Variants in KCNQ1 observed in about 807,000 individuals in gnomAD.
KCNQ1 encodes potassium voltage-gated channel subfamily KQT member 1.
In KCNQ1, 49 loss-of-function variants were observed where a neutral mutation model predicts 72.4. The observed-to-expected ratio is 0.68, with a 90% CI of 0.54 to 0.86. The LOEUF (loss-of-function observed/expected upper bound fraction) is 0.86. KCNQ1 is among the 40% of genes least tolerant of loss of function. The pLI is 0.00. For synonymous variants in KCNQ1, 450 were observed against 412.6 expected (o/e 1.09, Z -1.10); for missense variants, 790 against 945.1 (o/e 0.84, Z 2.15).
Position 2,458,754 on chromosome 11 carries a change from C to T in KCNQ1, c.386+13270C>T, listed in dbSNP as rs959309644. On this transcript the variant is annotated intron_variant, in intron 1 of 15. Transcript: ENST00000155840. This position sits in a 1 kb window ranked among gnomAD's most constrained non-coding sequence, Gnocchi z 4.6. ...TGGAAATACTCGGGCCAGAGGAACG[C>T]GCTAAATGATACTACAGGAGGCCAC... 7.2e-5 allele frequency among the ~76,000 whole-genome samples: 11 copies of T among 152,132 alleles called. No homozygotes were observed. Among genetic ancestry groups the T allele is most frequent in the East Asian group, 3.9e-4 (2 of 5,192 alleles).
At chr11:2,796,050 A>T (rs1487317503) in intron 15 of KCNQ1, among the ~76,000 whole-genome samples, 2 of 152,050 alleles carry the variant, frequency 1.3e-5, no homozygotes, top group African/African-American at 4.8e-5. Context: ...TCTTGAACCC[A>T]CCGTGCTTGG....
At chr11:2,619,747 A>AT (rs1187793618) in intron 10 of KCNQ1, 6 of 395,112 alleles carry the variant, frequency 1.5e-5, no homozygotes, top group African/African-American at 6.3e-5. Context: ...CTATAGCTGC[A>AT]TTTTTTTGGA....
chr11:2,597,338 A>G (rs962845792), intron 10 of KCNQ1, among the ~76,000 whole-genome samples: 2 of 152,234 alleles, frequency 1.3e-5, no homozygotes, highest in African/African-American at 4.8e-5. Context: ...AATTTATTCT[A>G]CACATATCTT....
rs1848579525 is a variant in KCNQ1 at position 2,585,415 on chromosome 11, G to T, written c.1128+108G>T. 2.9e-6 allele frequency: 3 copies of T among 1,038,414 alleles called. No individual in the cohort carries two copies. In the South Asian group the frequency reaches 4.0e-5, roughly 14 times the overall value. 64.3% of individuals were successfully genotyped at this position (1,038,414 alleles called of 1,614,324 possible). ...CCATCATTGGCCCCTGCATCAGCTT[G>T]GCTGGCCTGTGGGGCATACTCTGCT... On this transcript the variant is annotated intron_variant, in intron 8 of 15. Coordinates refer to ENST00000155840, the MANE Select transcript of KCNQ1 (RefSeq NM_000218.3).
rs1846538519 is a variant in KCNQ1, at chr11:2,768,686, CT to C, written c.1515-157del. On this transcript the variant is annotated intron_variant, in intron 11 of 15. Coordinates refer to ENST00000155840, the MANE Select transcript of KCNQ1 (RefSeq NM_000218.3). This position sits in a 1 kb window ranked among gnomAD's most constrained non-coding sequence, Gnocchi z 6.7. ...CCCCCAGCCTCCCCTCGAGCCCACACTGGGACATGGCCTAAGTATCTCCATC... is the reference window on the plus strand; with the variant it reads ...CCCCCAGCCTCCCCTCGAGCCCACACGGGACATGGCCTAAGTATCTCCATC... Among the ~76,000 whole-genome samples, 1 of 152,160 alleles carries C rather than the reference CT, an allele frequency of 6.6e-6. No homozygotes were observed. The highest frequency in any genetic ancestry group is 2.1e-4 in the South Asian group (1 of 4,828).
In KCNQ1 at chr11:2,657,081, T is replaced by C. The variant is rs1849863551; in HGVS notation, c.1394-4880T>C. 2.5e-6 allele frequency: 1 copy of C among 398,654 alleles called. No homozygotes were observed. Among genetic ancestry groups the C allele is most frequent in the Admixed American group, 4.4e-5 (1 of 22,738 alleles). 24.7% of individuals were successfully genotyped at this position (398,654 alleles called of 1,614,324 possible). On this transcript the variant is annotated intron_variant, in intron 10 of 15. Coordinates refer to ENST00000155840, the MANE Select transcript of KCNQ1 (RefSeq NM_000218.3). This position sits in a 1 kb window ranked among gnomAD's most constrained non-coding sequence, Gnocchi z 4.8. Reference sequence around the variant, plus strand: ...GCTCAATCCTGTCCCATTGGCCTATTTGTCTCTCCCTGTGTCAATACCACA... The same window carrying C: ...GCTCAATCCTGTCCCATTGGCCTATCTGTCTCTCCCTGTGTCAATACCACA...
At chr11:2,726,227 A>G (rs992627240) in intron 11 of KCNQ1, among the ~76,000 whole-genome samples, 2 of 152,202 alleles carry the variant, frequency 1.3e-5, no homozygotes, top group African/African-American at 2.4e-5. Context: ...AGAGAAGCTG[A>G]GCTCGCTCAC....
intron 2 of KCNQ1, among the ~76,000 whole-genome samples, chr11:2,569,612 A>G (rs1400576234): frequency 4.6e-5 from 7 of 152,102 alleles, no homozygotes; most frequent in Admixed American, 3.9e-4. Flanking sequence ...AGCGCCTCTC[A>G]CACGTGGGGG....
intron 10 of KCNQ1, chr11:2,615,693 C>A: frequency 2.5e-6 from 1 of 397,990 alleles, no homozygotes; most frequent in Non-Finnish European, 4.4e-6. Flanking sequence ...TTGATTGATA[C>A]TCTTGTACTG....
At chr11:2,505,887 G>T (rs2133653093) in intron 1 of KCNQ1, among the ~76,000 whole-genome samples, 1 of 152,236 alleles carries the variant, frequency 6.6e-6, no homozygotes, top group Non-Finnish European at 1.5e-5. Flanking sequence ...TCTAACGCGA[G>T]TCTCTAGTAG....
chr11:2,536,665 G>A lies in KCNQ1; in HGVS notation c.477+8647G>A, dbSNP rs913666346. Among the ~76,000 whole-genome samples, 1 of 152,186 alleles carries A rather than the reference G, an allele frequency of 6.6e-6. No homozygotes were observed. Among genetic ancestry groups the A allele is most frequent in the Non-Finnish European group, 1.5e-5 (1 of 68,022 alleles). On this transcript the variant is annotated intron_variant, in intron 2 of 15. Coordinates refer to ENST00000155840, the MANE Select transcript of KCNQ1 (RefSeq NM_000218.3). The surrounding 1 kb of genome is among the most constrained non-coding windows in gnomAD (Gnocchi z 7.4). Reference sequence around the variant, plus strand: ...GCTTCCCAGGCTGGGCTTCAAAACCGGACACAGGGCGTGGCTCTCCCTCCC... The same window carrying A: ...GCTTCCCAGGCTGGGCTTCAAAACCAGACACAGGGCGTGGCTCTCCCTCCC...
intron 10 of KCNQ1, among the ~76,000 whole-genome samples, chr11:2,608,000 A>G (rs1848908771): frequency 6.6e-6 from 1 of 152,254 alleles, no homozygotes; most frequent in Admixed American, 6.5e-5. Flanking sequence ...AACATCAAGA[A>G]AGCATAAAGC....
intron 1 of KCNQ1, among the ~76,000 whole-genome samples, chr11:2,499,582 A>G (rs1440270240): frequency 6.6e-6 from 1 of 150,720 alleles, no homozygotes; most frequent in Admixed American, 6.6e-5. Flanking sequence ...ATTTCAACCT[A>G]TAAAAATACA....
In KCNQ1 at chr11:2,482,454, CA is replaced by C. The variant is rs1228263737; in HGVS notation, c.386+36973del. ...GACTGCTGTAAATAGCATTGTGATG[CA>C]AATCCTTGTACACTCATTTTTGCCT... On this transcript the variant is annotated intron_variant, in intron 1 of 15. Transcript: ENST00000155840. This position sits in a 1 kb window ranked among gnomAD's most constrained non-coding sequence, Gnocchi z 5.7. 6.6e-6 allele frequency among the ~76,000 whole-genome samples: 1 copy of C among 152,132 alleles called. No individual in the cohort carries two copies. Among genetic ancestry groups the C allele is most frequent in the Admixed American group, 6.5e-5 (1 of 15,278 alleles).
chr11:2,569,724 A>G (rs1848300310), intron 2 of KCNQ1, among the ~76,000 whole-genome samples: 1 of 152,162 alleles, frequency 6.6e-6, no homozygotes, highest in Non-Finnish European at 1.5e-5. Context: ...GCTGCACTTT[A>G]AGTGTCACAA....
chr11:2,608,692 G>A lies in KCNQ1; in HGVS notation c.1393+19838G>A. 1 of 380,972 alleles carries A rather than the reference G, an allele frequency of 2.6e-6. No homozygotes were observed. Among genetic ancestry groups the A allele is most frequent in the South Asian group, 1.3e-4 (1 of 7,818 alleles). 23.6% of individuals were successfully genotyped at this position (380,972 alleles called of 1,614,324 possible). On this transcript the variant is annotated intron_variant, in intron 10 of 15. Coordinates refer to ENST00000155840, the MANE Select transcript of KCNQ1 (RefSeq NM_000218.3). This position sits in a 1 kb window ranked among gnomAD's most constrained non-coding sequence, Gnocchi z 4.6. ...TTGTGCATGCTATTCTTGAACTCCTGGCCACAAGCAATTCTCGAACTCCTG... is the reference window on the plus strand; with the variant it reads ...TTGTGCATGCTATTCTTGAACTCCTAGCCACAAGCAATTCTCGAACTCCTG...
At chr11:2,545,815 G>A (rs1320833858) in intron 2 of KCNQ1, among the ~76,000 whole-genome samples, 1 of 152,154 alleles carries the variant, frequency 6.6e-6, no homozygotes, top group African/African-American at 2.4e-5. Flanking sequence ...AAGTTTTTCA[G>A]AATATCCTGT....
At chr11:2,755,076 A>T (rs902558960) in intron 11 of KCNQ1, among the ~76,000 whole-genome samples, 3 of 152,046 alleles carry the variant, frequency 2.0e-5, no homozygotes, top group Non-Finnish European at 1.5e-5. Context: ...GTCCTAGGGG[A>T]GGATCTGTGT....
chr11:2,551,858 G>C (rs1183134610), intron 2 of KCNQ1, among the ~76,000 whole-genome samples: 1 of 152,182 alleles, frequency 6.6e-6, no homozygotes, highest in Non-Finnish European at 1.5e-5. Flanking sequence ...GAATGGTGTT[G>C]GGCATATTTG....
Sources: allele counts gnomAD v4.1 joint callset (sites outside exome capture counted in the v4.1 genomes callset), GRCh38; gene constraint gnomAD v4.1.1; non-coding constraint Gnocchi (gnomAD v3.1); transcripts MANE v1.5; gene names NCBI Gene and HGNC (gene_info 2026-07-23, HGNC 2026-07-21).